BCAR3: variants seen among roughly 807,000 people sequenced by gnomAD.
BCAR3 encodes breast cancer anti-estrogen resistance protein 3.
BCAR3 carries 37 observed loss-of-function variants against 80.1 expected under a neutral mutation model. That is an observed-to-expected ratio of 0.46 (90% confidence interval 0.36 to 0.61). BCAR3 has a LOEUF of 0.61. BCAR3 is among the 20% of genes least tolerant of loss of function. The pLI, the probability that BCAR3 is intolerant of heterozygous loss-of-function variation, is 0.00. For missense variants in BCAR3, 978 were observed against 1,068.2 expected, an observed-to-expected ratio of 0.92 and a Z score of 1.18; for synonymous variants, 389 against 418.9, an observed-to-expected ratio of 0.93 and a Z score of 0.87.
intron 3 of BCAR3, among the ~76,000 whole-genome samples, chr1:93,600,932 T>A (rs2101865871): frequency 6.6e-6 from 1 of 152,334 alleles, no homozygotes. Flanking sequence ...AGACAGTGAC[T>A]GGCTGGAACC....
intron 3 of BCAR3, among the ~76,000 whole-genome samples, chr1:93,633,328 G>A (rs967510776): frequency 6.6e-6 from 1 of 152,100 alleles, no homozygotes. Flanking sequence ...TAATAACTGG[G>A]TCTTAATTCT....
At chr1:93,590,282 G>C (rs1674116392) in intron 4 of BCAR3, 1 of 152,210 alleles carries the variant, frequency 6.6e-6, no homozygotes, top group South Asian at 2.1e-4. Flanking sequence ...GGTGCAGCCT[G>C]GCTGTTCCTG....
chr1:93,734,136 T>C (rs1444342124), intron 2 of BCAR3, among the ~76,000 whole-genome samples: 1 of 152,234 alleles, frequency 6.6e-6, no homozygotes, highest in Non-Finnish European at 1.5e-5. Context: ...TCCAGGTGTC[T>C]TATGTGCCTC....
chr1:93,779,748 A>G lies in BCAR3; in HGVS notation c.-63+65819T>C, dbSNP rs530322229. Among the ~76,000 whole-genome samples the G allele has an allele frequency of 8.3e-4, 126 of 152,318 alleles. 3 individuals carry two copies. In the South Asian group the frequency reaches 0.016, roughly 20 times the overall value. On this transcript the variant is annotated intron_variant, in intron 2 of 13. Transcript: ENST00000370244. ...AACAATGCACGTACTCCTGGATAGC[A>G]GACATTCTGCTAAAGGATTTTGCAG...
chr1:93,698,682 A>G (rs1371764038), intron 3 of BCAR3, among the ~76,000 whole-genome samples: 1 of 152,212 alleles, frequency 6.6e-6, no homozygotes, highest in East Asian at 1.9e-4. Flanking sequence ...AGGTGTCCTT[A>G]GTCTGCCCTG....
chr1:93,762,646 G>A (rs771845075), intron 2 of BCAR3, among the ~76,000 whole-genome samples: 41 of 152,028 alleles, frequency 2.7e-4, no homozygotes, highest in Non-Finnish European at 3.8e-4. Context: ...TCATTGTCAC[G>A]TCCTACCACA....
chr1:93,726,217 A>G lies in BCAR3; in HGVS notation c.-62-20075T>C, dbSNP rs369108262. ...GTAGCTTAGACCACAAGTGCATACC[A>G]CCATGCCCAGCCAATTTAAATATAT... On this transcript the variant is annotated intron_variant, in intron 2 of 13. Coordinates refer to the BCAR3 transcript ENST00000370244. Among the ~76,000 whole-genome samples the G allele has an allele frequency of 3.0e-3, 456 of 152,188 alleles. 1 individual carries two copies. Among genetic ancestry groups the G allele is most frequent in the African/African-American group, 0.01 (417 of 41,526 alleles).
At chr1:93,656,556 T>C (rs1423570484) in intron 2 of BCAR3, among the ~76,000 whole-genome samples, 1 of 151,984 alleles carries the variant, frequency 6.6e-6, no homozygotes, top group Non-Finnish European at 1.5e-5. Context: ...TAAAAAAAAA[T>C]GTACCATACA....
chr1:93,745,908 T>A (rs918538717), intron 2 of BCAR3, among the ~76,000 whole-genome samples: 9 of 152,128 alleles, frequency 5.9e-5, no homozygotes, highest in African/African-American at 1.9e-4. Flanking sequence ...CCAAAAATAT[T>A]TTACTCTGGG....
intron 3 of BCAR3, among the ~76,000 whole-genome samples, chr1:93,631,958 T>C (rs891638265): frequency 6.6e-6 from 1 of 151,890 alleles, no homozygotes; most frequent in Admixed American, 6.6e-5. Flanking sequence ...GCCTGAGGAG[T>C]TATCCACGCA....
intron 2 of BCAR3, among the ~76,000 whole-genome samples, chr1:93,715,096 A>G (rs1390144301): frequency 2.0e-5 from 3 of 152,234 alleles, no homozygotes; most frequent in Non-Finnish European, 4.4e-5. Context: ...TGTGCCAGGC[A>G]CTGCAATTTT....
chr1:93,575,567 T>C (rs1240998808), intron 8 of BCAR3, among the ~76,000 whole-genome samples: 2 of 152,176 alleles, frequency 1.3e-5, no homozygotes, highest in Non-Finnish European at 2.9e-5. Flanking sequence ...GTCTAGACTC[T>C]GCTCTTCCCA....
At chr1:93,831,461 C>T (rs986466251) in intron 2 of BCAR3, among the ~76,000 whole-genome samples, 47 of 152,140 alleles carry the variant, frequency 3.1e-4, no homozygotes, top group African/African-American at 1.1e-3. Flanking sequence ...ATGGCACTTT[C>T]GATTTGTCTA....
chr1:93,682,773 G>C (rs1329539828), upstream of BCAR3, among the ~76,000 whole-genome samples: 4 of 152,052 alleles, frequency 2.6e-5, no homozygotes, highest in Non-Finnish European at 5.9e-5. Flanking sequence ...GGCTGGTCTC[G>C]AACTCCTGAC....
chr1:93,644,422 A>G (rs1362791947), intron 2 of BCAR3, among the ~76,000 whole-genome samples: 1 of 152,194 alleles, frequency 6.6e-6, no homozygotes, highest in Admixed American at 6.5e-5. Flanking sequence ...AAATGTTTAA[A>G]TTCACCTACA....
At chr1:93,613,615 G>A (rs1301514226) in intron 3 of BCAR3, among the ~76,000 whole-genome samples, 1 of 152,196 alleles carries the variant, frequency 6.6e-6, no homozygotes, top group Admixed American at 6.5e-5. Context: ...AAAGTGTCCT[G>A]AAAAACAGCT....
intron 2 of BCAR3, among the ~76,000 whole-genome samples, chr1:93,643,227 C>CAA (rs1279066105): frequency 4.5e-5 from 5 of 111,456 alleles, no homozygotes; most frequent in African/African-American, 3.5e-5. Flanking sequence ...AACTCCATCT[C>CAA]AAAAAAAAAA....
At chr1:93,604,616 CCT>C (rs1170223711) in intron 3 of BCAR3, among the ~76,000 whole-genome samples, 8 of 152,250 alleles carry the variant, frequency 5.3e-5, no homozygotes, top group East Asian at 1.9e-4. Flanking sequence ...ATGTTAAACC[CCT>C]GTTACCTTTG....
chr1:93,743,579 C>T (rs780085056), intron 2 of BCAR3, among the ~76,000 whole-genome samples: 2 of 152,152 alleles, frequency 1.3e-5, no homozygotes, highest in African/African-American at 2.4e-5. Context: ...AGGGAGAAAG[C>T]GCTGATATGG....
Sources: allele counts gnomAD v4.1 joint callset (sites outside exome capture counted in the v4.1 genomes callset), GRCh38; gene constraint gnomAD v4.1.1; transcripts MANE v1.5; gene names NCBI Gene and HGNC (gene_info 2026-07-23, HGNC 2026-07-21).